DST: variants seen among roughly 807,000 people sequenced by gnomAD.
DST encodes dystonin.
In DST, 253 loss-of-function variants were observed where a neutral mutation model predicts 875.2. That is an observed-to-expected ratio of 0.29 (90% CI 0.26 to 0.32). The LOEUF is 0.32. Ranked by LOEUF, DST falls within the 10% of genes least tolerant of loss-of-function variation. The pLI is 1.00. For missense variants in DST, 8,287 were observed against 9,111.6 expected, an observed-to-expected ratio of 0.91 and a Z score of 3.68; for synonymous variants, 3,124 against 3,197.1, an observed-to-expected ratio of 0.98 and a Z score of 0.77.
chr6:56,582,023 T>A (rs548231719), intron 49 of DST, among the ~76,000 whole-genome samples: 17 of 152,352 alleles, frequency 1.1e-4, no homozygotes, highest in African/African-American at 3.6e-4. Flanking sequence ...TTTTACCTGC[T>A]TAATATTTTT....
intron 10 of DST, among the ~76,000 whole-genome samples, chr6:56,664,141 T>C (rs2099059388): frequency 6.6e-6 from 1 of 152,110 alleles, no homozygotes; most frequent in Non-Finnish European, 1.5e-5. Flanking sequence ...ACCTCAGATT[T>C]GCAAAGCCCT....
At chr6:56,650,007 C>A (rs2152796714) in intron 12 of DST, among the ~76,000 whole-genome samples, 1 of 152,176 alleles carries the variant, frequency 6.6e-6, no homozygotes, top group African/African-American at 2.4e-5. Context: ...ATTGAATCAT[C>A]AGGGGTGAGC....
chr6:56,901,937 G>A (rs1271064871), intron 2 of DST, among the ~76,000 whole-genome samples: 1 of 152,194 alleles, frequency 6.6e-6, no homozygotes, highest in Non-Finnish European at 1.5e-5. Flanking sequence ...AAACACATGG[G>A]AATGTGTAAT....
rs575960186 is a variant in DST at position 56,616,049 on chromosome 6, C to T, written c.4930-1565G>A. 1.7e-5 allele frequency: 28 copies of T among 1,614,184 alleles called. No individual in the cohort carries two copies. The highest frequency in any genetic ancestry group is 2.7e-5 in the African/African-American group (2 of 75,028). On this transcript the variant is annotated intron_variant, in intron 36 of 103. Transcript: ENST00000680361. Reference sequence around the variant, plus strand: ...TTCAAGGCATCGGAGGGCAGTAATCCGATCAACCAAATTTCTACGGGAGGC... The same window carrying T: ...TTCAAGGCATCGGAGGGCAGTAATCTGATCAACCAAATTTCTACGGGAGGC...
At position 56,466,226 on chromosome 6, in the gene DST, T is replaced by C. The variant is rs779930356; in HGVS notation, c.22570-31A>G. ...CAGTGAAGAAAGAAAGAACCTCTAG[T>C]TGTCAATAATAATTCTAAACTACAG... On this transcript the variant is annotated intron_variant, in intron 98 of 103. Coordinates refer to ENST00000680361, the MANE Select transcript of DST (RefSeq NM_001374736.1). The C allele has an allele frequency of 6.9e-6, 10 of 1,442,396 alleles. No homozygotes were observed. The East Asian group carries it at 9.5e-5, about 14-fold the overall frequency. The allele number at this position is 1,442,396 out of a possible 1,614,324, so 89.3% of individuals were successfully genotyped here. A position where few individuals can be genotyped will look rare whatever the true frequency, so the allele number is the denominator to read the frequency against.
At position 56,583,316 on chromosome 6, in the gene DST, T is replaced by C. The variant is rs2098065609; in HGVS notation, c.12904-4379A>G. 4.6e-5 allele frequency among the ~76,000 whole-genome samples: 7 copies of C among 152,336 alleles called. No homozygotes were observed. The South Asian group carries it at 1.5e-3, about 32-fold the overall frequency. ...ACTGGTGTGAGATGGTATCTCATTG[T>C]GGTTTTGATTTGCATTTCTCTGATG... On this transcript the variant is annotated intron_variant, in intron 49 of 103. Coordinates refer to ENST00000680361, the MANE Select transcript of DST (RefSeq NM_001374736.1).
chr6:56,604,841 A>G lies in DST; in HGVS notation c.9787T>C (p.Phe3263Leu), dbSNP rs1423248062. 1 of 1,612,592 alleles carries G rather than the reference A, an allele frequency of 6.2e-7. No homozygotes were observed. Among genetic ancestry groups the G allele is most frequent in the Non-Finnish European group, 8.5e-7 (1 of 1,179,280 alleles). ...ISGGGTEISQ[F>L]TPESIEATLS... ...GTGGCTTCAATACTTTCTGGTGTGA[A>G]CTGAGAAATTTCTGTTCCTCCTCCT... The change falls in exon 40 of 104, where the codon TTC becomes CTC. Residue 3263 changes from phenylalanine (F) to leucine (L), a missense_variant. Physicochemically the swap from Phe to Leu is conservative, Grantham distance 22. Transcript: ENST00000680361.
chr6:56,941,081 T>C (rs1198654779), intron 2 of DST, among the ~76,000 whole-genome samples: 2 of 152,112 alleles, frequency 1.3e-5, no homozygotes, highest in Non-Finnish European at 2.9e-5. Flanking sequence ...TTATTTTGTG[T>C]TTAGTTTGCT....
In DST at chr6:56,474,017, A is replaced by T. The variant is rs896126666; in HGVS notation, c.21865-15T>A. The T allele has an allele frequency of 4.5e-6, 7 of 1,564,188 alleles. No individual in the cohort carries two copies. The East Asian group carries it at 1.6e-4, about 36-fold the overall frequency. Reference sequence around the variant, plus strand: ...TCCATGAAGGTCTGAAATGAAAGAAATGATGTCAATCAAATAAGAGTTACT... The same window carrying T: ...TCCATGAAGGTCTGAAATGAAAGAATTGATGTCAATCAAATAAGAGTTACT... On this transcript the variant is annotated splice_polypyrimidine_tract_variant and intron_variant, in intron 92 of 103. Transcript: ENST00000680361.
At chr6:56,907,917 T>C (rs1797120483) in intron 2 of DST, among the ~76,000 whole-genome samples, 1 of 152,042 alleles carries the variant, frequency 6.6e-6, no homozygotes, top group African/African-American at 2.4e-5. Context: ...AAACTCCGTC[T>C]CCACCAGCCG....
At chr6:56,758,370 A>T (rs2099609266) in intron 4 of DST, among the ~76,000 whole-genome samples, 1 of 152,280 alleles carries the variant, frequency 6.6e-6, no homozygotes. Context: ...TGAAACATCT[A>T]AAAAAACATG....
intron 48 of DST, 64 bp downstream of exon 48, chr6:56,593,599 A>G (rs2098325945): frequency 7.3e-7 from 1 of 1,365,918 alleles, no homozygotes; most frequent in South Asian, 2.0e-5. Context: ...TCTTGTTCCA[A>G]AACTATAATT....
intron 61 of DST, 125 bp from the exon 62 acceptor site, chr6:56,537,065 T>G (rs552612884): frequency 2.5e-6 from 2 of 811,822 alleles, no homozygotes; most frequent in East Asian, 2.7e-5. Context: ...AAGATAATTT[T>G]TATTGTCTAG....
chr6:56,721,030 C>CACT (rs2099413376), intron 5 of DST, among the ~76,000 whole-genome samples: 1 of 150,588 alleles, frequency 6.6e-6, no homozygotes, highest in African/African-American at 2.5e-5. Flanking sequence ...CAGCCCCCTC[C>CACT]GCCTCCCAGA....
intron 2 of DST, among the ~76,000 whole-genome samples, chr6:56,948,509 T>C (rs968646939): frequency 1.3e-5 from 2 of 152,184 alleles, no homozygotes; most frequent in African/African-American, 4.8e-5. Context: ...CAGGGTTCCA[T>C]CGGGCTACTC....
intron 90 of DST, among the ~76,000 whole-genome samples, chr6:56,480,349 A>G (rs560378428): frequency 1.2e-4 from 18 of 152,338 alleles, no homozygotes; most frequent in African/African-American, 4.3e-4. Context: ...AACAGCTGAT[A>G]CAAATAATGT....
chr6:56,949,919 T>C (rs1156491139), intron 2 of DST, among the ~76,000 whole-genome samples: 1 of 152,186 alleles, frequency 6.6e-6, no homozygotes, highest in African/African-American at 2.4e-5. Context: ...AGGAACATAA[T>C]GAGGACAACA....
chr6:56,468,268 T>C lies in DST; in HGVS notation c.22569+714A>G, dbSNP rs186069730. 2.5e-3 allele frequency among the ~76,000 whole-genome samples: 378 copies of C among 152,328 alleles called. 1 individual carries two copies. Among genetic ancestry groups the C allele is most frequent in the African/African-American group, 8.5e-3 (353 of 41,576 alleles). ...TGATGTAGTGCCACTACACAGGTTA[T>C]ACTGACTTAAATGTCAACATAAACA... On this transcript the variant is annotated intron_variant, in intron 98 of 103. Coordinates refer to ENST00000680361, the MANE Select transcript of DST (RefSeq NM_001374736.1).
At chr6:56,791,877 A>G (rs940442687) in intron 4 of DST, among the ~76,000 whole-genome samples, 3 of 152,152 alleles carry the variant, frequency 2.0e-5, no homozygotes, top group Admixed American at 2.0e-4. Context: ...CATAATCAGC[A>G]GCAATAAACA....
Sources: allele counts gnomAD v4.1 joint callset (sites outside exome capture counted in the v4.1 genomes callset), GRCh38; gene constraint gnomAD v4.1.1; transcripts MANE v1.5; gene names NCBI Gene and HGNC (gene_info 2026-07-23, HGNC 2026-07-21).